SAG: variants seen among roughly 807,000 people sequenced by gnomAD.
The protein encoded by SAG is S-arrestin.
Under a neutral mutation model 55.0 loss-of-function variants are expected in SAG, and 45 were observed. That is an observed-to-expected ratio of 0.82 (90% CI 0.64 to 1.05). The LOEUF is 1.05. Among genes scored for constraint, SAG ranks in the 50% least tolerant of loss-of-function variants. SAG has a pLI of 0.00. For synonymous variants in SAG, 189 were observed against 197.4 expected (o/e 0.96, Z 0.36); for missense variants, 455 against 512.1 (o/e 0.89, Z 1.08).
At chr2:233,311,545 G>C (rs895873731) in intron 2 of SAG, among the ~76,000 whole-genome samples, 1 of 152,168 alleles carries the variant, frequency 6.6e-6, no homozygotes, top group African/African-American at 2.4e-5. Context: ...GGTGGAAGAT[G>C]GTGGTCCCTG....
chr2:233,320,899 G>T, intron 5 of SAG, 76 bp downstream of exon 5: 1 of 1,274,128 alleles, frequency 7.8e-7, no homozygotes, highest in Non-Finnish European at 1.1e-6. Flanking sequence ...AAAGGAAAGG[G>T]GATAGAGGAA....
At chr2:233,341,384 A>G (rs1432957941) in intron 13 of SAG, among the ~76,000 whole-genome samples, 1 of 152,224 alleles carries the variant, frequency 6.6e-6, no homozygotes, top group Non-Finnish European at 1.5e-5. Flanking sequence ...CTTCGTGCAT[A>G]ATTTAAAAGG....
chr2:233,321,228 TG>T (rs761071934), intron 5 of SAG, among the ~76,000 whole-genome samples: 7 of 152,060 alleles, frequency 4.6e-5, no homozygotes, highest in Middle Eastern at 3.2e-3. Context: ...GCCCACAGCT[TG>T]GGGGATCACA....
intron 2 of SAG, among the ~76,000 whole-genome samples, chr2:233,314,213 C>A (rs1373342710): frequency 1.4e-5 from 2 of 144,020 alleles, no homozygotes; most frequent in Non-Finnish European, 3.0e-5. Flanking sequence ...CAGAATGAGA[C>A]CTTGTCTCAA....
chr2:233,312,634 A>G (rs758453232), intron 2 of SAG, among the ~76,000 whole-genome samples: 25 of 152,198 alleles, frequency 1.6e-4, no homozygotes, highest in Non-Finnish European at 3.7e-4. Flanking sequence ...CTATGAGACC[A>G]TTTCAGCAGC....
chr2:233,327,464 G>GT (rs1553614156), intron 7 of SAG: 18 of 338,148 alleles, frequency 5.3e-5, no homozygotes, highest in Admixed American at 5.1e-4. Context: ...TTTTGTTGTT[G>GT]TTGTTTGTTT....
intron 9 of SAG, among the ~76,000 whole-genome samples, chr2:233,331,053 T>A (rs531174201): frequency 7.2e-5 from 11 of 152,144 alleles, no homozygotes; most frequent in African/African-American, 1.7e-4. Flanking sequence ...CTTTATTTTT[T>A]AAAAAAATCC....
intron 2 of SAG, 95 bp downstream of exon 2, chr2:233,309,359 C>A: frequency 8.6e-7 from 1 of 1,163,762 alleles, no homozygotes; most frequent in Non-Finnish European, 1.3e-6. Flanking sequence ...AACATCAAAA[C>A]TCTTTGAGGG....
At position 233,331,559 on chromosome 2, in the gene SAG, G is replaced by A. The variant is rs180836006; in HGVS notation, c.734-81G>A. On this transcript the variant is annotated intron_variant, in intron 9 of 15. Coordinates refer to ENST00000409110, the MANE Select transcript of SAG (RefSeq NM_000541.5). The stretch of plus-strand genomic sequence containing the variant: ...CCATCATCAGAGAGGAGAGACCAGC[G>A]TGTACCCTGGGAGGCCGCAGGGAAA... The A allele has an allele frequency of 3.5e-4, 299 of 854,750 alleles. No homozygotes were observed. The African/African-American group carries it at 4.4e-3, about 13-fold the overall frequency. 52.9% of individuals were successfully genotyped at this position (854,750 alleles called of 1,614,324 possible). A position where few individuals can be genotyped will look rare whatever the true frequency, so the allele number is the denominator to read the frequency against.
chr2:233,308,874 A>G (rs1208336162), intron 1 of SAG, among the ~76,000 whole-genome samples: 1 of 152,250 alleles, frequency 6.6e-6, no homozygotes, highest in Non-Finnish European at 1.5e-5. Context: ...TTAGTCAGAA[A>G]GTAAAACCTC....
At chr2:233,331,507 A>G (rs895602198) in intron 9 of SAG, 133 bp from the exon 10 acceptor site, 1 of 714,484 alleles carries the variant, frequency 1.4e-6, no homozygotes, top group Admixed American at 2.2e-5. Flanking sequence ...AGGGCTGAGA[A>G]AGCCTAGCCT....
At chr2:233,312,286 C>T (rs555370309) in intron 2 of SAG, among the ~76,000 whole-genome samples, 29 of 152,294 alleles carry the variant, frequency 1.9e-4, no homozygotes, top group Non-Finnish European at 2.2e-4. Context: ...CTCCCGTCCA[C>T]TCTGCAGTCC....
Position 233,319,844 on chromosome 2 carries a change from TCAG to T in SAG, c.182-781_182-779del. On this transcript the variant is annotated intron_variant, in intron 4 of 15. Coordinates refer to ENST00000409110, the MANE Select transcript of SAG (RefSeq NM_000541.5). The surrounding 1 kb of genome is among the most constrained non-coding windows in gnomAD (Gnocchi z 4.4). ...GTGAGTGGCCACTGTTTCTTCTGAGTCAGCAGCGAAGGGCAGTTACCTTTGGGG... is the reference window on the plus strand; with the variant it reads ...GTGAGTGGCCACTGTTTCTTCTGAGTCAGCGAAGGGCAGTTACCTTTGGGG... The T allele has an allele frequency of 1.0e-6, 1 of 985,780 alleles. No homozygotes were observed. The highest frequency in any genetic ancestry group is 1.2e-6 in the Non-Finnish European group (1 of 829,950). The allele number at this position is 985,780 out of a possible 1,614,324, so 61.1% of individuals were successfully genotyped here.
Position 233,342,309 on chromosome 2 carries a change from C to G in SAG, c.1085C>G (p.Pro362Arg). The stretch of plus-strand genomic sequence containing the variant: ...GAGGTCCCATTCCGCCTCATGCACC[C>G]TCAGCCTGAGGACCCAGGTCAGTTA... ...ATEVPFRLMH[P>R]QPEDPAKESY... The change falls in exon 14 of 16, where the codon CCT (proline) becomes CGT (arginine). Residue 362 changes from proline to arginine, a missense_variant. By Grantham distance (103) the Pro-to-Arg change is moderately radical. Transcript: ENST00000409110. 6.2e-7 allele frequency: 1 copy of G among 1,608,498 alleles called. No homozygotes were observed. The highest frequency in any genetic ancestry group is 8.5e-7 in the Non-Finnish European group (1 of 1,177,052).
In SAG at chr2:233,328,467, G is replaced by T. The variant is rs548086174; in HGVS notation, c.513-11G>T. ...GCCAATCCCTGGCTTGTCTGTGGCTGTTTCCCACAGGAGCTCCGTGCGATT... is the reference window on the plus strand; with the variant it reads ...GCCAATCCCTGGCTTGTCTGTGGCTTTTTCCCACAGGAGCTCCGTGCGATT... On this transcript the variant is annotated splice_polypyrimidine_tract_variant and intron_variant, in intron 7 of 15. Transcript: ENST00000409110. 4.3e-6 allele frequency: 7 copies of T among 1,609,960 alleles called. No homozygotes were observed. In the Admixed American group the frequency reaches 5.0e-5, roughly 12 times the overall value.
intron 14 of SAG, chr2:233,344,486 A>G (rs934375416): frequency 1.3e-5 from 2 of 152,122 alleles, no homozygotes; most frequent in East Asian, 1.9e-4. Flanking sequence ...TAATTTTTTT[A>G]AATTCTTTTC....
chr2:233,342,403 C>A, intron 14 of SAG, 77 bp downstream of exon 14: 1 of 1,199,782 alleles, frequency 8.3e-7, no homozygotes, highest in Non-Finnish European at 1.2e-6. Context: ...TCTAGTCTTT[C>A]TTGACCGCAT....
At chr2:233,332,663 A>ATTT (rs10642996) in intron 10 of SAG, 1,815 of 137,252 alleles carry the variant, frequency 0.013, 37 homozygotes, top group African/African-American at 0.038. Flanking sequence ...CTAATTTTGT[A>ATTT]TTTTTTTTTT....
intron 11 of SAG, among the ~76,000 whole-genome samples, chr2:233,335,870 G>A (rs910219274): frequency 2.0e-5 from 3 of 152,222 alleles, no homozygotes; most frequent in Non-Finnish European, 2.9e-5. Context: ...ATATGCTGGG[G>A]GTTCCCTCTG....
Sources: allele counts gnomAD v4.1 joint callset (sites outside exome capture counted in the v4.1 genomes callset), GRCh38; gene constraint gnomAD v4.1.1; non-coding constraint Gnocchi (gnomAD v3.1); transcripts MANE v1.5; gene names NCBI Gene and HGNC (gene_info 2026-07-23, HGNC 2026-07-21).